Variants in CCDC192 observed in about 807,000 individuals in gnomAD.
CCDC192 encodes coiled-coil domain-containing protein 192.
chr5:127,932,342 C>T (rs1427577961), intron 6 of CCDC192, among the ~76,000 whole-genome samples: 3 of 151,830 alleles, frequency 2.0e-5, no homozygotes, highest in Non-Finnish European at 4.4e-5. Context: ...CTAGCTGGGA[C>T]TACAGGCATG....
intron 5 of CCDC192, among the ~76,000 whole-genome samples, chr5:127,800,393 A>AAAC (rs1757430336): frequency 1.4e-5 from 2 of 139,386 alleles, no homozygotes; most frequent in African/African-American, 2.6e-5. Flanking sequence ...AAAAAAAAAA[A>AAAC]AAAAAAAACA....
intron 2 of CCDC192, among the ~76,000 whole-genome samples, chr5:127,752,544 C>A (rs1754260829): frequency 6.6e-6 from 1 of 152,224 alleles, no homozygotes; most frequent in African/African-American, 2.4e-5. Flanking sequence ...TTTAAGTCTG[C>A]AGAGGTTACT....
intron 3 of CCDC192, among the ~76,000 whole-genome samples, chr5:127,782,288 A>G (rs545649773): frequency 6.6e-6 from 1 of 152,080 alleles, no homozygotes; most frequent in South Asian, 2.1e-4. Flanking sequence ...TTTTTTGGAT[A>G]TGTCCTTTCC....
intron 6 of CCDC192, among the ~76,000 whole-genome samples, chr5:127,932,725 G>A (rs1214890557): frequency 3.3e-5 from 5 of 152,068 alleles, no homozygotes; most frequent in Admixed American, 2.6e-4. Flanking sequence ...ACTATTTTGG[G>A]CACAGGGGAT....
intron 3 of CCDC192, among the ~76,000 whole-genome samples, chr5:127,783,619 T>C (rs1012999609): frequency 4.6e-5 from 7 of 152,342 alleles, no homozygotes; most frequent in South Asian, 4.1e-4. Flanking sequence ...GAATTTTGTA[T>C]ATGTATCTGT....
intron 5 of CCDC192, among the ~76,000 whole-genome samples, chr5:127,803,472 T>C (rs1416146662): frequency 6.6e-6 from 1 of 152,214 alleles, no homozygotes; most frequent in East Asian, 1.9e-4. Flanking sequence ...AATGAATGTT[T>C]ATAATTACTT....
chr5:127,909,510 T>C (rs997019596), intron 6 of CCDC192, among the ~76,000 whole-genome samples: 1 of 152,196 alleles, frequency 6.6e-6, no homozygotes, highest in African/African-American at 2.4e-5. Flanking sequence ...TTTTAACATG[T>C]TTGCTACTTT....
At chr5:127,750,428 G>T (rs1293112882) in intron 2 of CCDC192, among the ~76,000 whole-genome samples, 4 of 152,128 alleles carry the variant, frequency 2.6e-5, no homozygotes, top group Non-Finnish European at 5.9e-5. Context: ...GGGGTTTTGA[G>T]TGAGATTCTT....
At chr5:127,917,451 C>T (rs1753555651) in intron 6 of CCDC192, among the ~76,000 whole-genome samples, 1 of 152,194 alleles carries the variant, frequency 6.6e-6, no homozygotes, top group Admixed American at 6.5e-5. Flanking sequence ...AGCATGCTTT[C>T]CTCACTAAGC....
chr5:127,936,184 G>C (rs1754181931), intron 6 of CCDC192, among the ~76,000 whole-genome samples: 2 of 152,302 alleles, frequency 1.3e-5, no homozygotes, highest in South Asian at 2.1e-4. Context: ...GATGAGGCTA[G>C]ATCACCCCAA....
intron 6 of CCDC192, among the ~76,000 whole-genome samples, chr5:127,917,297 A>G (rs1015669568): frequency 6.6e-6 from 1 of 152,190 alleles, no homozygotes; most frequent in African/African-American, 2.4e-5. Context: ...AACTTTCTCC[A>G]TATCAGCAAT....
Position 127,777,512 on chromosome 5 carries a change from A to G in CCDC192, c.223-19591A>G, listed in dbSNP as rs192680716. 3.3e-5 allele frequency among the ~76,000 whole-genome samples: 5 copies of G among 152,228 alleles called. No homozygotes were observed. In the East Asian group the frequency reaches 9.6e-4, roughly 29 times the overall value. On this transcript the variant is annotated intron_variant, in intron 3 of 6. Coordinates refer to ENST00000514853, the MANE Select transcript of CCDC192 (RefSeq NM_001317938.2). The stretch of plus-strand genomic sequence containing the variant: ...GGACTTTTGAGTTAATGCTGAAATG[A>G]GTTAAGACTTTTGGGGACTGTTGGG...
chr5:127,878,678 T>A (rs1287400170), intron 6 of CCDC192, among the ~76,000 whole-genome samples: 1 of 152,126 alleles, frequency 6.6e-6, no homozygotes, highest in Admixed American at 6.5e-5. Context: ...GAAATTGCCT[T>A]GGCGATGCGG....
chr5:127,859,170 T>G (rs1005910624), intron 5 of CCDC192, among the ~76,000 whole-genome samples: 2 of 152,368 alleles, frequency 1.3e-5, no homozygotes, highest in South Asian at 4.1e-4. Flanking sequence ...GAGATGTTTA[T>G]GTAGACAAAC....
upstream of CCDC192, among the ~76,000 whole-genome samples, chr5:127,702,480 T>A (rs565838789): frequency 8.5e-5 from 13 of 152,284 alleles, no homozygotes; most frequent in Admixed American, 7.2e-4. Context: ...CACTTGAAGT[T>A]TTGTTGAAGA....
At chr5:127,854,541 T>A (rs879439586) in intron 5 of CCDC192, among the ~76,000 whole-genome samples, 3 of 152,224 alleles carry the variant, frequency 2.0e-5, no homozygotes, top group Non-Finnish European at 4.4e-5. Context: ...GGAAAAATCA[T>A]ACTAAAATAT....
intron 5 of CCDC192, among the ~76,000 whole-genome samples, chr5:127,799,703 AC>A (rs1757375751): frequency 6.6e-6 from 1 of 152,162 alleles, no homozygotes; most frequent in South Asian, 2.1e-4. Context: ...GTCTTCTTTC[AC>A]TGCCTAGTTA....
At position 127,792,819 on chromosome 5, in the gene CCDC192, GA is replaced by G. The variant is rs780035196; in HGVS notation, c.223-4282del. Reference sequence around the variant, plus strand: ...AGAAGGAGGAGGAGAAGAGGAAGAAGAAGAAGAAGGAGGAGGAGGAGGAGGA... The same window carrying G: ...AGAAGGAGGAGGAGAAGAGGAAGAAGAGAAGAAGGAGGAGGAGGAGGAGGA... On this transcript the variant is annotated intron_variant, in intron 3 of 6. Transcript: ENST00000514853. Among the ~76,000 whole-genome samples, 432 of 150,422 alleles carry G rather than the reference GA, an allele frequency of 2.9e-3. 2 individuals carry two copies. The highest frequency in any genetic ancestry group is 5.1e-3 in the Non-Finnish European group (345 of 67,838).
intron 6 of CCDC192, among the ~76,000 whole-genome samples, chr5:127,893,921 A>C (rs1042727084): frequency 6.6e-6 from 1 of 152,212 alleles, no homozygotes; most frequent in African/African-American, 2.4e-5. Flanking sequence ...AAGAAAAAAA[A>C]ATTTCATTCC....
Sources: gnomAD v4.1 joint callset for allele counts (sites outside exome capture counted in the v4.1 genomes callset) on GRCh38, gnomAD v4.1.1 for gene constraint, MANE v1.5 for transcripts, NCBI Gene and HGNC (gene_info 2026-07-23, HGNC 2026-07-21) for gene names.